UGT1A1: variants seen among roughly 807,000 people sequenced by gnomAD.
The protein encoded by UGT1A1 is UDP-glucuronosyltransferase 1A1.
UGT1A1 carries 33 observed loss-of-function variants against 40.6 expected under a neutral mutation model. The ratio of observed to expected loss-of-function variants is 0.81; its 90% CI spans 0.62 to 1.09. The LOEUF is 1.09. UGT1A1 is among the 50% of genes least tolerant of loss of function. The pLI is 0.00. For synonymous variants in UGT1A1, 249 were observed against 265.0 expected (o/e 0.94, Z 0.59); for missense variants, 694 against 671.2 (o/e 1.03, Z -0.38).
Position 233,772,346 on chromosome 2 carries a change from G to C in UGT1A1, c.1389G>C (p.Glu463Asp), listed in dbSNP as rs115944950. ...TGGACCTGGCCGTGTTCTGGGTGGA[G>C]TTTGTGATGAGGCACAAGGGCGCGC... ...EPLDLAVFWVEFVMRHKGAPH... is the reference protein window; with the variant it reads ...EPLDLAVFWVDFVMRHKGAPH... Residue 463 changes from glutamate (E) to aspartate (D), a missense_variant, in exon 5 of 5, where the codon GAG (glutamate) becomes GAC (aspartate). Coordinates refer to ENST00000305208, the MANE Select transcript of UGT1A1 (RefSeq NM_000463.3). 30 of 1,614,132 alleles carry C rather than the reference G, an allele frequency of 1.9e-5. No individual in the cohort carries two copies. In the East Asian group the frequency reaches 6.5e-4, roughly 35 times the overall value.
chr2:233,767,408 G>A (rs1042627267), intron 2 of UGT1A1, among the ~76,000 whole-genome samples: 3 of 152,112 alleles, frequency 2.0e-5, no homozygotes, highest in Non-Finnish European at 2.9e-5. Flanking sequence ...TTCTCTAAGA[G>A]ACTCAAAAGT....
At chr2:233,765,388 A>G (rs776122608) in intron 1 of UGT1A1, among the ~76,000 whole-genome samples, 14 of 152,254 alleles carry the variant, frequency 9.2e-5, no homozygotes, top group Non-Finnish European at 1.5e-4. Flanking sequence ...TGGATAAAGA[A>G]AATGTGGTAC....
rs944669670 is a variant in UGT1A1 at position 233,769,377 on chromosome 2, C to T, written c.1304+938C>T. Reference sequence around the variant, plus strand: ...GTGGTGGCCAGTGGTAGATTTCATCCGACAATAGATACTGTGTGCATATGT... The same window carrying T: ...GTGGTGGCCAGTGGTAGATTTCATCTGACAATAGATACTGTGTGCATATGT... On this transcript the variant is annotated intron_variant, in intron 4 of 4. Transcript: ENST00000305208. The surrounding 1 kb of genome is among the most constrained non-coding windows in gnomAD (Gnocchi z 4.4). 6.6e-5 allele frequency among the ~76,000 whole-genome samples: 10 copies of T among 152,088 alleles called. No individual in the cohort carries two copies. The highest frequency in any genetic ancestry group is 1.0e-4 in the Non-Finnish European group (7 of 68,014).
rs1178608845 is a variant in UGT1A1, at chr2:233,760,418, T to A, written c.131T>A (p.Leu44His). The A allele has an allele frequency of 8.7e-6, 14 of 1,614,198 alleles. No homozygotes were observed. The highest frequency in any genetic ancestry group is 1.1e-5 in the Non-Finnish European group (13 of 1,180,018). Residue 44 changes from leucine (L) to histidine (H), a missense_variant, in exon 1 of 5, where the codon CTT becomes CAT. Leu to His is a moderately conservative substitution (Grantham distance 99). Transcript: ENST00000305208. ...PVDGSHWLSM[L>H]GAIQQLQQRG... ...GATGGCAGCCACTGGCTGAGCATGC[T>A]TGGGGCCATCCAGCAGCTGCAGCAG...
rs2125984600 is a variant in UGT1A1, at chr2:233,760,473, T to C, written c.186T>C (p.Pro62=). The change falls in exon 1 of 5, where the codon CCT becomes CCC. Residue 62 remains proline (P), a synonymous_variant. Transcript: ENST00000305208. ...GACATGAAATAGTTGTCCTAGCACC[T>C]GACGCCTCGTTGTACATCAGAGACG... ...QRGHEIVVLA[P]DASLYIRDGA... is the part of the protein sequence containing the mutation. 2 of 1,614,230 alleles carry C rather than the reference T, an allele frequency of 1.2e-6. No individual in the cohort carries two copies. The highest frequency in any genetic ancestry group is 1.7e-6 in the Non-Finnish European group (2 of 1,180,030).
Position 233,772,900 on chromosome 2 carries a change from C to A in UGT1A1, c.*341C>A. Reference sequence around the variant, plus strand: ...GCGGGATTCAAAGGTGGTCCCACGGCTGCCCCTACTGCAAATGGCAGTTTT... The same window carrying A: ...GCGGGATTCAAAGGTGGTCCCACGGATGCCCCTACTGCAAATGGCAGTTTT... On this transcript the variant is annotated 3_prime_UTR_variant, in exon 5 of 5. Coordinates refer to ENST00000305208, the MANE Select transcript of UGT1A1 (RefSeq NM_000463.3). 2.4e-6 allele frequency: 1 copy of A among 417,126 alleles called. No homozygotes were observed. The highest frequency in any genetic ancestry group is 4.1e-6 in the Non-Finnish European group (1 of 243,572). The allele number at this position is 417,126 out of a possible 1,614,324, so 25.8% of individuals were successfully genotyped here.
intron 4 of UGT1A1, chr2:233,770,332 T>C (rs1040470973): frequency 6.6e-6 from 1 of 152,102 alleles, no homozygotes; most frequent in Non-Finnish European, 1.5e-5. Context: ...CAGGCCATAA[T>C]AGGTGCTCAA....
At position 233,767,125 on chromosome 2, in the gene UGT1A1, C is replaced by T. The variant is rs775405878; in HGVS notation, c.956C>T (p.Ala319Val). 2.5e-6 allele frequency: 4 copies of T among 1,614,092 alleles called. No individual in the cohort carries two copies. Among genetic ancestry groups the T allele is most frequent in the Non-Finnish European group, 3.4e-6 (4 of 1,180,014 alleles). The part of the protein sequence containing the change: ...SMVSEIPEKK[A>V]MAIADALGKI... ...GTCTCAGAAATTCCAGAGAAGAAAG[C>T]TATGGCAATTGCTGATGCTTTGGGC... Residue 319 changes from alanine to valine, a missense_variant, in exon 2 of 5, where the codon GCT becomes GTT. By Grantham distance (64) the Ala-to-Val change is moderately conservative. Coordinates refer to ENST00000305208, the MANE Select transcript of UGT1A1 (RefSeq NM_000463.3).
chr2:233,765,641 G>A (rs914163891), intron 1 of UGT1A1, among the ~76,000 whole-genome samples: 1 of 151,492 alleles, frequency 6.6e-6, no homozygotes, highest in African/African-American at 2.4e-5. Flanking sequence ...TTAGAGGATA[G>A]GTCAATAGGT....
At chr2:233,766,917 A>C (rs993857330) in intron 1 of UGT1A1, 117 bp from the exon 2 acceptor site, 136 of 1,547,100 alleles carry the variant, frequency 8.8e-5, no homozygotes, top group Admixed American at 4.9e-4. Flanking sequence ...CTCTATCTCA[A>C]ACACGCATGC....
At chr2:233,767,790 T>C in intron 2 of UGT1A1, 59 bp from the exon 3 acceptor site, 1 of 1,614,008 alleles carries the variant, frequency 6.2e-7, no homozygotes, top group Non-Finnish European at 8.5e-7. Flanking sequence ...GTATAGCAGA[T>C]TTGTTTTCTA....
At position 233,760,629 on chromosome 2, in the gene UGT1A1, G is replaced by A; in HGVS notation, c.342G>A (p.Lys114=). The change falls in exon 1 of 5, where the codon AAG becomes AAA. Residue 114 remains lysine (K), a synonymous_variant. Coordinates refer to ENST00000305208, the MANE Select transcript of UGT1A1 (RefSeq NM_000463.3). The part of the protein sequence containing the change: ...SFLQRVIKTY[K]KIKKDSAMLL... ...TGCAGCGTGTGATCAAAACATACAA[G>A]AAAATAAAAAAGGACTCTGCTATGC... 6.2e-7 allele frequency: 1 copy of A among 1,614,104 alleles called. No individual in the cohort carries two copies. Among genetic ancestry groups the A allele is most frequent in the East Asian group, 2.2e-5 (1 of 44,890 alleles).
intron 1 of UGT1A1, among the ~76,000 whole-genome samples, chr2:233,766,608 C>T (rs2126027033): frequency 6.6e-6 from 1 of 152,314 alleles, no homozygotes; most frequent in South Asian, 2.1e-4. Context: ...ACCACACCCT[C>T]TTCTACCCAG....
chr2:233,762,997 ATCATT>A (rs1212266483), intron 1 of UGT1A1, among the ~76,000 whole-genome samples: 2 of 152,206 alleles, frequency 1.3e-5, no homozygotes, highest in African/African-American at 4.8e-5. Context: ...GAAATTGATT[ATCATT>A]TCATTATTTT....
Position 233,768,364 on chromosome 2 carries a change from G to T in UGT1A1, c.1229G>T (p.Gly410Val). 1 of 1,614,172 alleles carries T rather than the reference G, an allele frequency of 6.2e-7. No homozygotes were observed. Among genetic ancestry groups the T allele is most frequent in the Non-Finnish European group, 8.5e-7 (1 of 1,180,034 alleles). ...NAKRMETKGA[G>V]VTLNVLEMTS... ...AAGCGCATGGAGACTAAGGGAGCTG[G>T]AGTGACCCTGAATGTTCTGGAAATG... Residue 410 changes from glycine to valine, a missense_variant, in exon 4 of 5, where the codon GGA (glycine) becomes GTA (valine). Coordinates refer to ENST00000305208, the MANE Select transcript of UGT1A1 (RefSeq NM_000463.3).
At chr2:233,768,183 A>G (rs753962326) in intron 3 of UGT1A1, 37 bp from the exon 4 acceptor site, 1 of 1,614,004 alleles carries the variant, frequency 6.2e-7, no homozygotes, top group Non-Finnish European at 8.5e-7. Context: ...AAACTCAGAG[A>G]TGTAACTGCT....
Position 233,771,783 on chromosome 2 carries a change from TCTCC to T in UGT1A1, c.1305-460_1305-457del, listed in dbSNP as rs562104634. ...TCCTCCGTCCCTCTCTCCTTTCCTC[TCTCC>T]CTCCCTCCCTCCCTCCCTTCCTCCT... On this transcript the variant is annotated intron_variant, in intron 4 of 4. Coordinates refer to ENST00000305208, the MANE Select transcript of UGT1A1 (RefSeq NM_000463.3). Among the ~76,000 whole-genome samples, 597 of 151,668 alleles carry T rather than the reference TCTCC, an allele frequency of 3.9e-3. 3 individuals carry two copies. The Middle Eastern group carries it at 0.041, about 10-fold the overall frequency.
rs2125985458 is a variant in UGT1A1, at chr2:233,760,526, C to T, written c.239C>T (p.Pro80Leu). Residue 80 changes from proline (P) to leucine (L), a missense_variant, in exon 1 of 5, where the codon CCT (proline) becomes CTT (leucine). Pro to Leu is a moderately conservative substitution (Grantham distance 98, BLOSUM62 -3). Coordinates refer to ENST00000305208, the MANE Select transcript of UGT1A1 (RefSeq NM_000463.3). Reference protein sequence around the residue: ...DGAFYTLKTYPVPFQREDVKE... With the variant: ...DGAFYTLKTYLVPFQREDVKE... The stretch of plus-strand genomic sequence containing the variant: ...GCATTTTACACCTTGAAGACGTACC[C>T]TGTGCCATTCCAAAGGGAGGATGTG... 3.7e-6 allele frequency: 6 copies of T among 1,614,242 alleles called. No homozygotes were observed. Among genetic ancestry groups the T allele is most frequent in the Non-Finnish European group, 5.1e-6 (6 of 1,180,044 alleles).
In UGT1A1 at chr2:233,772,828, C is replaced by A; in HGVS notation, c.*269C>A. ...TTCAGAGGACGTGCAGACAGGCTGG[C>A]ATTCTAGATTACTTTTCTTACTCTG... is the stretch of plus-strand genomic sequence containing the variant. On this transcript the variant is annotated 3_prime_UTR_variant, in exon 5 of 5. Transcript: ENST00000305208. 1.1e-6 allele frequency: 1 copy of A among 921,124 alleles called. No individual in the cohort carries two copies. The highest frequency in any genetic ancestry group is 1.5e-6 in the Non-Finnish European group (1 of 663,786). The allele number at this position is 921,124 out of a possible 1,614,324, so 57.1% of individuals were successfully genotyped here. A position where few individuals can be genotyped will look rare whatever the true frequency, so the allele number is the denominator to read the frequency against.
Sources: gnomAD v4.1 joint callset for allele counts (sites outside exome capture counted in the v4.1 genomes callset) on GRCh38, gnomAD v4.1.1 for gene constraint, Gnocchi (gnomAD v3.1) non-coding constraint, MANE v1.5 for transcripts, NCBI Gene and HGNC (gene_info 2026-07-23, HGNC 2026-07-21) for gene names.